MARK1: variants seen among roughly 807,000 people sequenced by gnomAD.
MARK1 encodes serine/threonine-protein kinase MARK1.
A neutral mutation model predicts 96.3 loss-of-function variants in MARK1; 40 were observed. That is an observed-to-expected ratio of 0.42 (90% CI 0.32 to 0.54). The LOEUF is 0.54. Among genes scored for constraint, MARK1 ranks in the 20% least tolerant of loss-of-function variants. The probability of loss-of-function intolerance (pLI) is 0.16; values close to 1 mark genes in which losing one functional copy is unlikely to be tolerated. For synonymous variants in MARK1, 317 were observed against 341.2 expected (o/e 0.93, Z 0.78); for missense variants, 719 against 984.6 (o/e 0.73, Z 3.61).
At chr1:220,538,663 G>A (rs1660898338) in intron 1 of MARK1, among the ~76,000 whole-genome samples, 1 of 151,650 alleles carries the variant, frequency 6.6e-6, no homozygotes, top group South Asian at 2.1e-4. Context: ...ACCTTGGGCA[G>A]TATGGCCATT....
At chr1:220,644,264 A>T (rs920182655) in intron 13 of MARK1, among the ~76,000 whole-genome samples, 1 of 152,196 alleles carries the variant, frequency 6.6e-6, no homozygotes, top group African/African-American at 2.4e-5. Flanking sequence ...CAGGGGTTGC[A>T]ATCCTAGTTT....
intron 1 of MARK1, among the ~76,000 whole-genome samples, chr1:220,529,146 G>T (rs1660135199): frequency 6.6e-6 from 1 of 152,194 alleles, no homozygotes; most frequent in Non-Finnish European, 1.5e-5. Flanking sequence ...GGTGATGGAG[G>T]GCAGAGAAGC....
intron 11 of MARK1, among the ~76,000 whole-genome samples, chr1:220,634,794 C>G (rs1667855218): frequency 6.6e-6 from 1 of 151,782 alleles, no homozygotes; most frequent in Non-Finnish European, 1.5e-5. Context: ...ATGCTGAGTT[C>G]TAAATAAATA....
At chr1:220,569,668 A>G (rs1663305403) in intron 1 of MARK1, among the ~76,000 whole-genome samples, 1 of 152,084 alleles carries the variant, frequency 6.6e-6, no homozygotes, top group Non-Finnish European at 1.5e-5. Flanking sequence ...TTACTTCTTC[A>G]TTGATATGAA....
At chr1:220,543,478 T>C (rs954398461) in intron 1 of MARK1, among the ~76,000 whole-genome samples, 1 of 152,220 alleles carries the variant, frequency 6.6e-6, no homozygotes, top group East Asian at 1.9e-4. Context: ...TTAGCATTTC[T>C]ATGGGAATGC....
intron 17 of MARK1, among the ~76,000 whole-genome samples, chr1:220,658,380 C>G (rs1328526117): frequency 6.6e-6 from 1 of 152,112 alleles, no homozygotes; most frequent in South Asian, 2.1e-4. Context: ...ACAGGGAAGG[C>G]TTGATAAAAA....
chr1:220,582,174 C>T (rs1026590198), intron 3 of MARK1, among the ~76,000 whole-genome samples: 4 of 152,122 alleles, frequency 2.6e-5, no homozygotes, highest in Middle Eastern at 3.2e-3. Flanking sequence ...TTGTACTTAT[C>T]GGAGATTCTT....
chr1:220,602,238 T>C (rs530210117), intron 5 of MARK1, among the ~76,000 whole-genome samples: 15 of 152,320 alleles, frequency 9.8e-5, no homozygotes, highest in African/African-American at 3.4e-4. Context: ...AAATCTTTTT[T>C]TTATTTTGAA....
At chr1:220,568,462 G>A (rs1420179189) in intron 1 of MARK1, among the ~76,000 whole-genome samples, 1 of 152,086 alleles carries the variant, frequency 6.6e-6, no homozygotes, top group Non-Finnish European at 1.5e-5. Flanking sequence ...TGAGTGAGAA[G>A]GGGCATAGTA....
intron 3 of MARK1, among the ~76,000 whole-genome samples, chr1:220,596,912 C>T (rs979980756): frequency 6.6e-6 from 1 of 152,178 alleles, no homozygotes; most frequent in Non-Finnish European, 1.5e-5. Context: ...TACTTTACAT[C>T]TCTATGAATT....
In MARK1 at chr1:220,641,604, TAAAG is replaced by T. The variant is rs927372102; in HGVS notation, c.1470+5579_1470+5582del. 3.4e-4 allele frequency among the ~76,000 whole-genome samples: 51 copies of T among 151,330 alleles called. 1 individual carries two copies. Among genetic ancestry groups the T allele is most frequent in the Admixed American group, 3.2e-3 (49 of 15,210 alleles). ...AGTATTAATCAATTTTTTTACAAAA[TAAAG>T]GGAAGAAGGAAGGGCCAAAGATGGC... is the stretch of plus-strand genomic sequence containing the variant. On this transcript the variant is annotated intron_variant, in intron 13 of 17. Transcript: ENST00000366917.
chr1:220,599,844 C>T lies in MARK1; in HGVS notation c.405C>T (p.Val135=). 1 of 1,608,174 alleles carries T rather than the reference C, an allele frequency of 6.2e-7. No individual in the cohort carries two copies. Among genetic ancestry groups the T allele is most frequent in the Non-Finnish European group, 8.5e-7 (1 of 1,176,790 alleles). The change falls in exon 5 of 18, where the codon GTC becomes GTT. Residue 135 remains valine, a synonymous_variant. Coordinates refer to ENST00000366917, the MANE Select transcript of MARK1 (RefSeq NM_018650.5). ...VIETEKTLYL[V]MEYASGGEVF... ...AAACAGAGAAGACTCTCTATTTAGT[C>T]ATGGAATACGCGAGTGGGGGTAAGA...
chr1:220,530,995 GTC>G (rs1660278599), intron 1 of MARK1, among the ~76,000 whole-genome samples: 1 of 152,176 alleles, frequency 6.6e-6, no homozygotes, highest in South Asian at 2.1e-4. Flanking sequence ...TTAAGATAAA[GTC>G]TCTCCCTGCA....
intron 6 of MARK1, among the ~76,000 whole-genome samples, chr1:220,605,983 A>G (rs183484299): frequency 3.9e-5 from 6 of 152,262 alleles, no homozygotes; most frequent in Admixed American, 3.9e-4. Flanking sequence ...ATATGTGTGC[A>G]TGTGTCTTTA....
chr1:220,548,342 A>T (rs1467266120), intron 1 of MARK1, among the ~76,000 whole-genome samples: 1 of 152,254 alleles, frequency 6.6e-6, no homozygotes, highest in Non-Finnish European at 1.5e-5. Flanking sequence ...ATTAGGAAAT[A>T]ATTACTGGAT....
chr1:220,569,310 T>C (rs1663272711), intron 1 of MARK1, among the ~76,000 whole-genome samples: 1 of 152,166 alleles, frequency 6.6e-6, no homozygotes, highest in Non-Finnish European at 1.5e-5. Context: ...TTTCTCAATT[T>C]ATTTTCTGCC....
chr1:220,663,046 A>G lies in MARK1; in HGVS notation c.*880A>G, dbSNP rs770975473. Reference sequence around the variant, plus strand: ...CGCAATTTAATTGCGGGAATATAATAATATTGGGACTGTTTCACAGCACAA... The same window carrying G: ...CGCAATTTAATTGCGGGAATATAATGATATTGGGACTGTTTCACAGCACAA... On this transcript the variant is annotated 3_prime_UTR_variant, in exon 18 of 18. Transcript: ENST00000366917. The G allele has an allele frequency of 6.6e-6, 1 of 152,652 alleles. No individual in the cohort carries two copies. The highest frequency in any genetic ancestry group is 6.5e-5 in the Admixed American group (1 of 15,284). The allele number at this position is 152,652 out of a possible 1,614,324, so 9.5% of individuals were successfully genotyped here. A position where few individuals can be genotyped will look rare whatever the true frequency, so the allele number is the denominator to read the frequency against.
intron 1 of MARK1, among the ~76,000 whole-genome samples, chr1:220,558,764 TAAAACTATAGAA>T (rs1376461207): frequency 6.6e-6 from 1 of 151,988 alleles, no homozygotes; most frequent in African/African-American, 2.4e-5. Context: ...TCTCTAATGA[TAAAACTATAGAA>T]ATAAGAATAA....
intron 1 of MARK1, among the ~76,000 whole-genome samples, chr1:220,539,741 C>T (rs1661000298): frequency 6.6e-6 from 1 of 151,216 alleles, no homozygotes. Context: ...GGTACGTGAT[C>T]CTTCTAATGT....
Sources: allele counts gnomAD v4.1 joint callset (sites outside exome capture counted in the v4.1 genomes callset), GRCh38; gene constraint gnomAD v4.1.1; transcripts MANE v1.5; gene names NCBI Gene and HGNC (gene_info 2026-07-23, HGNC 2026-07-21).